Variants in TIAM1 observed in about 807,000 individuals in gnomAD.
TIAM1 encodes the protein rho guanine nucleotide exchange factor TIAM1.
In TIAM1, 65 loss-of-function variants were observed where a neutral mutation model predicts 163.5. That is an observed-to-expected ratio of 0.40 (90% confidence interval 0.33 to 0.49). The LOEUF (loss-of-function observed/expected upper bound fraction) is 0.49, where lower values mean the gene tolerates loss of function less well. TIAM1 is among the 20% of genes least tolerant of loss of function. The pLI, the probability that TIAM1 is intolerant of heterozygous loss-of-function variation, is 0.77. For missense variants in TIAM1, 1,789 were observed against 2,044.7 expected, an observed-to-expected ratio of 0.87 and a Z score of 2.41; for synonymous variants, 833 against 810.1, an observed-to-expected ratio of 1.03 and a Z score of -0.48.
chr21:31,336,035 A>G (rs2075827805), intron 2 of TIAM1, among the ~76,000 whole-genome samples: 1 of 152,202 alleles, frequency 6.6e-6, no homozygotes, highest in Non-Finnish European at 1.5e-5. Context: ...TAGGTGCTCA[A>G]TGTTTGCATC....
At chr21:31,136,747 AAGG>A (rs1451792493) in intron 22 of TIAM1, among the ~76,000 whole-genome samples, 1 of 152,230 alleles carries the variant, frequency 6.6e-6, no homozygotes, top group Non-Finnish European at 1.5e-5. Context: ...ACAGTTTCCC[AAGG>A]AGATGCTAAT....
At chr21:31,443,759 G>C (rs1259560199) in intron 2 of TIAM1, among the ~76,000 whole-genome samples, 1 of 152,114 alleles carries the variant, frequency 6.6e-6, no homozygotes, top group Non-Finnish European at 1.5e-5. Flanking sequence ...TATAGCCATG[G>C]TTTCTACAAT....
rs76705170 is a variant in TIAM1 at position 31,135,915 on chromosome 21, C to T, written c.3883+18G>A. On this transcript the variant is annotated intron_variant, in intron 23 of 27. Transcript: ENST00000541036. ...GCTAGACTTTTCCCCCTCCATAAAA[C>T]GCTTTTCTGATACACACCGAATGCT... 2.4e-3 allele frequency: 3,890 copies of T among 1,610,980 alleles called. 68 individuals are homozygous for T. The African/African-American group carries it at 0.039, about 16-fold the overall frequency.
At chr21:31,505,601 T>TG (rs563388536) in intron 1 of TIAM1, among the ~76,000 whole-genome samples, 172 of 151,432 alleles carry the variant, frequency 1.1e-3, no homozygotes, top group African/African-American at 4.1e-3. Flanking sequence ...CAGAGAATTG[T>TG]GGGGGAAAAA....
intron 1 of TIAM1, among the ~76,000 whole-genome samples, chr21:31,509,810 T>C (rs1320773701): frequency 2.6e-5 from 4 of 152,182 alleles, no homozygotes; most frequent in Non-Finnish European, 5.9e-5. Context: ...AGGACAGTTC[T>C]TTCTACCAGT....
In TIAM1 at chr21:31,165,991, C is replaced by T. The variant is rs114646164; in HGVS notation, c.2888-926G>A. On this transcript the variant is annotated intron_variant, in intron 15 of 27. Coordinates refer to ENST00000541036, the MANE Select transcript of TIAM1 (RefSeq NM_001353694.2). ...CACAGTGGTTCTCTATAGTGGTCCT[C>T]TGCGTTGAGAAGAGAATATGAGGAT... is the stretch of plus-strand genomic sequence containing the variant. Among the ~76,000 whole-genome samples, 1,341 of 152,322 alleles carry T rather than the reference C, an allele frequency of 8.8e-3. 19 individuals are homozygous for T. Among genetic ancestry groups the T allele is most frequent in the African/African-American group, 0.031 (1,281 of 41,578 alleles).
chr21:31,527,217 T>A (rs2047817685), intron 1 of TIAM1, among the ~76,000 whole-genome samples: 1 of 152,062 alleles, frequency 6.6e-6, no homozygotes, highest in Non-Finnish European at 1.5e-5. Context: ...TAACCCAGCT[T>A]CCTCCCCCTG....
At chr21:31,208,726 C>T (rs1029683288) in intron 11 of TIAM1, among the ~76,000 whole-genome samples, 7 of 152,166 alleles carry the variant, frequency 4.6e-5, no homozygotes, top group African/African-American at 1.4e-4. Flanking sequence ...CTGTCCATTT[C>T]TCTGATTCAT....
intron 22 of TIAM1, among the ~76,000 whole-genome samples, chr21:31,136,287 A>T (rs1007149220): frequency 3.9e-5 from 6 of 152,234 alleles, no homozygotes; most frequent in Non-Finnish European, 5.9e-5. Context: ...TGTCAATTTC[A>T]TGTTTTTGAG....
chr21:31,403,400 G>T (rs2077198097), intron 2 of TIAM1, among the ~76,000 whole-genome samples: 1 of 152,118 alleles, frequency 6.6e-6, no homozygotes, highest in Non-Finnish European at 1.5e-5. Context: ...GCCCGCCTAG[G>T]CCTCCCAAAG....
intron 13 of TIAM1, among the ~76,000 whole-genome samples, chr21:31,194,220 G>A (rs1444893340): frequency 1.3e-5 from 2 of 151,926 alleles, no homozygotes; most frequent in South Asian, 2.1e-4. Context: ...ACAACGAACC[G>A]TGGGTATTTA....
intron 5 of TIAM1, among the ~76,000 whole-genome samples, chr21:31,251,057 T>A (rs188790095): frequency 6.6e-6 from 1 of 152,306 alleles, no homozygotes; most frequent in Non-Finnish European, 1.5e-5. Context: ...TTCTACCAAT[T>A]TTTTCCTTTA....
chr21:31,247,753 A>G (rs2071584963), intron 5 of TIAM1, among the ~76,000 whole-genome samples: 1 of 152,212 alleles, frequency 6.6e-6, no homozygotes, highest in Non-Finnish European at 1.5e-5. Context: ...ACATACCTGT[A>G]GAGTAGTCTG....
intron 5 of TIAM1, among the ~76,000 whole-genome samples, chr21:31,251,062 C>T (rs2071776187): frequency 6.6e-6 from 1 of 152,098 alleles, no homozygotes; most frequent in Non-Finnish European, 1.5e-5. Flanking sequence ...CCAATTTTTT[C>T]CTTTAAACAT....
At chr21:31,323,412 A>G (rs547520408) in intron 2 of TIAM1, among the ~76,000 whole-genome samples, 2 of 152,272 alleles carry the variant, frequency 1.3e-5, no homozygotes, top group African/African-American at 4.8e-5. Context: ...AACTATTTAG[A>G]GACATCAGTG....
chr21:31,346,927 A>T (rs1449372070), upstream of TIAM1, among the ~76,000 whole-genome samples: 1 of 151,696 alleles, frequency 6.6e-6, no homozygotes, highest in African/African-American at 2.4e-5. Flanking sequence ...TCTTTCTGAT[A>T]TTATTATTTA....
chr21:31,130,095 G>GAAAAAAAAAA lies in TIAM1; in HGVS notation c.4045+117_4045+118insTTTTTTTTTT. 3.5e-6 allele frequency: 2 copies of GAAAAAAAAAA among 574,034 alleles called. 1 individual carries two copies. The highest frequency in any genetic ancestry group is 5.5e-6 in the Non-Finnish European group (2 of 363,992). The allele number at this position is 574,034 out of a possible 1,614,324, so 35.6% of individuals were successfully genotyped here. A position where few individuals can be genotyped will look rare whatever the true frequency, so the allele number is the denominator to read the frequency against. ...CGAGAGACAAGAGAGTTAAGCATAG[G>GAAAAAAAAAA]GAAAAAAAAAAAAAAAAGACGGTAG... On this transcript the variant is annotated intron_variant, in intron 25 of 27. Coordinates refer to ENST00000541036, the MANE Select transcript of TIAM1 (RefSeq NM_001353694.2).
intron 2 of TIAM1, among the ~76,000 whole-genome samples, chr21:31,449,245 G>A (rs903557846): frequency 3.9e-5 from 6 of 152,114 alleles, no homozygotes; most frequent in African/African-American, 1.2e-4. Flanking sequence ...GATCACAGGT[G>A]TGAGCCACCG....
At chr21:31,371,473 G>A (rs1009938546) in intron 2 of TIAM1, among the ~76,000 whole-genome samples, 2 of 152,202 alleles carry the variant, frequency 1.3e-5, no homozygotes, top group Non-Finnish European at 2.9e-5. Context: ...GTAAGATGGA[G>A]TGCTGACAGC....
Sources: allele counts gnomAD v4.1 joint callset (sites outside exome capture counted in the v4.1 genomes callset), GRCh38; gene constraint gnomAD v4.1.1; transcripts MANE v1.5; gene names NCBI Gene and HGNC (gene_info 2026-07-23, HGNC 2026-07-21).